The following KIF21A variants were observed in gnomAD, a reference collection of about 807,000 sequenced individuals.
KIF21A encodes kinesin family member 21A.
A neutral mutation model predicts 202.9 loss-of-function variants in KIF21A; 114 were observed. The observed-to-expected ratio is 0.56, with a 90% CI of 0.48 to 0.66. The LOEUF is 0.66. Among genes scored for constraint, KIF21A ranks in the 30% least tolerant of loss-of-function variants. The pLI is 0.00. For synonymous variants in KIF21A, 667 were observed against 670.8 expected (o/e 0.99, Z 0.09); for missense variants, 1,677 against 1,994.9 (o/e 0.84, Z 3.04).
intron 4 of KIF21A, among the ~76,000 whole-genome samples, chr12:39,367,518 A>G (rs532869919): frequency 1.3e-5 from 2 of 152,312 alleles, no homozygotes; most frequent in South Asian, 2.1e-4. Context: ...ATTTTTCTCA[A>G]CAATCTCCCT....
intron 17 of KIF21A, among the ~76,000 whole-genome samples, chr12:39,334,687 G>A (rs1317202410): frequency 6.6e-6 from 1 of 151,898 alleles, no homozygotes; most frequent in Non-Finnish European, 1.5e-5. Flanking sequence ...ACTTTCTAAG[G>A]GTTCAAAGAT....
intron 1 of KIF21A, among the ~76,000 whole-genome samples, chr12:39,402,665 G>C (rs764750803): frequency 6.6e-6 from 1 of 152,194 alleles, no homozygotes; most frequent in Non-Finnish European, 1.5e-5. Flanking sequence ...CCTGCAGCCT[G>C]TAGGCTGCAT....
Position 39,383,942 on chromosome 12 carries a change from G to T in KIF21A, c.45-13681C>A, listed in dbSNP as rs369130149. Among the ~76,000 whole-genome samples, 4 of 152,208 alleles carry T rather than the reference G, an allele frequency of 2.6e-5. No homozygotes were observed. In the East Asian group the frequency reaches 7.7e-4, roughly 29 times the overall value. ...TAAAAACATAGATTTTGATATTAAG[G>T]GTCTGAGTGGTCTAGGAGCTGAGAT... On this transcript the variant is annotated intron_variant, in intron 1 of 37. Transcript: ENST00000361418.
chr12:39,357,096 T>C (rs1435280615), intron 9 of KIF21A, 152 bp downstream of exon 9: 1 of 679,992 alleles, frequency 1.5e-6, no homozygotes, highest in Non-Finnish European at 2.5e-6. Context: ...AATTTATTAT[T>C]TTTTGAAATT....
At chr12:39,421,847 T>G (rs1452164800) in intron 1 of KIF21A, among the ~76,000 whole-genome samples, 1 of 147,466 alleles carries the variant, frequency 6.8e-6, no homozygotes, top group Non-Finnish European at 1.5e-5. Context: ...TAATTACATA[T>G]ATAATTTATA....
chr12:39,392,820 T>C (rs1951467270), intron 1 of KIF21A, among the ~76,000 whole-genome samples: 1 of 146,066 alleles, frequency 6.8e-6, no homozygotes, highest in African/African-American at 2.6e-5. Flanking sequence ...ATATGTACTA[T>C]TAATGAGCCA....
At position 39,304,834 on chromosome 12, in the gene KIF21A, T is replaced by C. The variant is rs1023072936; in HGVS notation, c.4547A>G (p.Asp1516Gly). The C allele has an allele frequency of 1.3e-6, 2 of 1,547,568 alleles. No homozygotes were observed. Among genetic ancestry groups the C allele is most frequent in the Non-Finnish European group, 1.8e-6 (2 of 1,119,944 alleles). The change falls in exon 35 of 38, where the codon GAT (aspartate) becomes GGT (glycine). Residue 1516 changes from aspartate to glycine, a missense_variant. By Grantham distance (94) the Asp-to-Gly change is moderately conservative. Transcript: ENST00000361418. ...TCTTATACATACTTTGATGTAATGA[T>C]CCTTGGAGCCAGTGATGATTAGATC... ...GQDLIITGSKDHYIKMFDVTE... is the reference protein window; with the variant it reads ...GQDLIITGSKGHYIKMFDVTE...
chr12:39,295,894 G>C (rs1269232704), intron 37 of KIF21A, among the ~76,000 whole-genome samples: 1 of 151,028 alleles, frequency 6.6e-6, no homozygotes, highest in African/African-American at 2.4e-5. Context: ...TAGTAGAGAT[G>C]GGGTTTCACC....
rs372073706 is a variant in KIF21A, at chr12:39,340,213, C to T, written c.2262G>A (p.Lys754=). The part of the protein sequence containing the change: ...RLLKNQSQYE[K]QLKKLQQDVM... ...CATCCTGCTGCAATTTCTTCAATTG[C>T]TTTTCATACTGAGACTGATTTTTAA... Residue 754 remains lysine (K), a synonymous_variant, in exon 16 of 38, where the codon AAG becomes AAA. Coordinates refer to ENST00000361418, the MANE Select transcript of KIF21A (RefSeq NM_001173464.2). 3 of 1,612,890 alleles carry T rather than the reference C, an allele frequency of 1.9e-6. No homozygotes were observed. The African/African-American group carries it at 4.0e-5, about 22-fold the overall frequency.
intron 1 of KIF21A, among the ~76,000 whole-genome samples, chr12:39,378,138 C>A (rs2139359750): frequency 6.6e-6 from 1 of 152,292 alleles, no homozygotes; most frequent in East Asian, 1.9e-4. Flanking sequence ...AAGTACAGTT[C>A]TGTAGTGGCT....
intron 34 of KIF21A, among the ~76,000 whole-genome samples, chr12:39,305,186 T>C (rs556450607): frequency 6.6e-6 from 1 of 151,482 alleles, no homozygotes; most frequent in Non-Finnish European, 1.5e-5. Context: ...GCCAACATGG[T>C]GAAACCCCGT....
Position 39,441,660 on chromosome 12 carries a change from TAA to T in KIF21A, c.44+1265_44+1266del, listed in dbSNP as rs56245570. Among the ~76,000 whole-genome samples the T allele has an allele frequency of 2.0e-3, 76 of 37,792 alleles. 10 individuals are homozygous for T. Among genetic ancestry groups the T allele is most frequent in the East Asian group, 8.8e-3 (21 of 2,380 alleles). The allele number at this position is 37,792 out of a possible 152,430, so 24.8% of individuals were successfully genotyped here. On this transcript the variant is annotated intron_variant, in intron 1 of 37. Transcript: ENST00000361418. ...ATAAAACTGTCACCTCCCTGGGTGG[TAA>T]AAAAAAAAAAAAAAAAAACACTTAA... is the stretch of plus-strand genomic sequence containing the variant.
intron 1 of KIF21A, among the ~76,000 whole-genome samples, chr12:39,378,138 CT>C (rs1452896103): frequency 1.3e-5 from 2 of 152,174 alleles, no homozygotes; most frequent in South Asian, 2.1e-4. Flanking sequence ...AAGTACAGTT[CT>C]GTAGTGGCTA....
At chr12:39,372,457 A>AT (rs1418805550) in intron 1 of KIF21A, among the ~76,000 whole-genome samples, 5 of 152,168 alleles carry the variant, frequency 3.3e-5, no homozygotes, top group Admixed American at 2.6e-4. Context: ...TTGTCACTCC[A>AT]TAGGTATCAT....
intron 16 of KIF21A, among the ~76,000 whole-genome samples, chr12:39,338,740 C>T (rs1450337042): frequency 6.6e-6 from 1 of 152,128 alleles, no homozygotes; most frequent in Non-Finnish European, 1.5e-5. Flanking sequence ...TTATGCTATA[C>T]AGTAGTCTAT....
intron 1 of KIF21A, among the ~76,000 whole-genome samples, chr12:39,385,844 G>A (rs564604716): frequency 2.5e-4 from 38 of 152,266 alleles, no homozygotes; most frequent in South Asian, 6.2e-4. Flanking sequence ...GCATTTCACT[G>A]TAGTCTCTGA....
chr12:39,322,971 A>G, intron 26 of KIF21A, 89 bp from the exon 27 acceptor site: 1 of 992,502 alleles, frequency 1.0e-6, no homozygotes, highest in South Asian at 1.6e-5. Flanking sequence ...AGTTTGAAAT[A>G]GGTAAAACAT....
At chr12:39,327,138 C>A (rs1946026584) in intron 24 of KIF21A, among the ~76,000 whole-genome samples, 1 of 151,778 alleles carries the variant, frequency 6.6e-6, no homozygotes, top group African/African-American at 2.4e-5. Context: ...AATCTAAAGA[C>A]AAAATTATGA....
At chr12:39,378,747 T>G (rs1950419382) in intron 1 of KIF21A, among the ~76,000 whole-genome samples, 1 of 151,788 alleles carries the variant, frequency 6.6e-6, no homozygotes, top group African/African-American at 2.4e-5. Flanking sequence ...ACTTGAGGAG[T>G]GTAACCATGG....
Sources: allele counts gnomAD v4.1 joint callset (sites outside exome capture counted in the v4.1 genomes callset), GRCh38; gene constraint gnomAD v4.1.1; transcripts MANE v1.5; gene names NCBI Gene and HGNC (gene_info 2026-07-23, HGNC 2026-07-21).